AGAP3: variants seen among roughly 807,000 people sequenced by gnomAD.
The protein encoded by AGAP3 is ArfGAP with GTPase domain, ankyrin repeat and PH domain 3, also known as arf-GAP with GTPase, ANK repeat and PH domain-containing protein 3.
AGAP3 carries 24 observed loss-of-function variants against 96.9 expected under a neutral mutation model. The ratio of observed to expected loss-of-function variants is 0.25; its 90% confidence interval spans 0.18 to 0.35. The LOEUF (loss-of-function observed/expected upper bound fraction) is 0.35, where lower values mean the gene tolerates loss of function less well. Among genes scored for constraint, AGAP3 ranks in the 10% least tolerant of loss-of-function variants. The pLI is 1.00. For synonymous variants in AGAP3, 563 were observed against 536.1 expected, an observed-to-expected ratio of 1.05 and a Z score of -0.69; for missense variants, 876 against 1,254.2, an observed-to-expected ratio of 0.70 and a Z score of 4.55.
intron 1 of AGAP3, among the ~76,000 whole-genome samples, chr7:151,111,275 G>C (rs1799272101): frequency 6.6e-6 from 1 of 152,196 alleles, no homozygotes; most frequent in South Asian, 2.1e-4. Flanking sequence ...GGAGGGCCAC[G>C]GTGGTTCTGG....
At chr7:151,125,706 G>A (rs1264713019) in intron 9 of AGAP3, among the ~76,000 whole-genome samples, 1 of 152,202 alleles carries the variant, frequency 6.6e-6, no homozygotes, top group African/African-American at 2.4e-5. Context: ...TCCTTGCTCC[G>A]CCCTCCTGTC....
At chr7:151,087,414 G>T (rs1384962506) in intron 1 of AGAP3, among the ~76,000 whole-genome samples, 2 of 152,186 alleles carry the variant, frequency 1.3e-5, no homozygotes, top group Non-Finnish European at 1.5e-5. Flanking sequence ...CGTGACCGGG[G>T]AGGCTTCTTA....
Position 151,120,012 on chromosome 7 carries a change from T to A in AGAP3, c.995T>A (p.Phe332Tyr). 6.2e-7 allele frequency: 1 copy of A among 1,613,750 alleles called. No homozygotes were observed. Among genetic ancestry groups the A allele is most frequent in the South Asian group, 1.1e-5 (1 of 91,086 alleles). The change falls in exon 8 of 18, where the codon TTC becomes TAC. Residue 332 changes from phenylalanine (F) to tyrosine (Y), a missense_variant. Transcript: ENST00000397238. Reference sequence around the variant, plus strand: ...GCCACGAATGGCGGCGGCAGCGCCTTCAGCGACTACTCGTCCTCAGTCCCC... The same window carrying A: ...GCCACGAATGGCGGCGGCAGCGCCTACAGCGACTACTCGTCCTCAGTCCCC... ...NQATNGGGSA[F>Y]SDYSSSVPST...
intron 9 of AGAP3, among the ~76,000 whole-genome samples, chr7:151,126,053 G>T (rs927702118): frequency 8.9e-6 from 1 of 112,320 alleles, no homozygotes; most frequent in Non-Finnish European, 1.8e-5. Context: ...GGAGCGGGCG[G>T]GTGGGTGGGG....
In AGAP3 at chr7:151,120,067, G is replaced by T. The variant is rs777495200; in HGVS notation, c.1050G>T (p.Leu350=). ...CCCCCAGCATCAGCCAGCGGGAGCT[G>T]CGCATCGAGACCATCGCTGCCTCCT... ...PSTPSISQRE[L]RIETIAASST... is the part of the protein sequence containing the mutation. The change falls in exon 8 of 18, where the codon CTG becomes CTT. Residue 350 remains leucine (L), a synonymous_variant. Coordinates refer to ENST00000397238, the MANE Select transcript of AGAP3 (RefSeq NM_031946.7). 1 of 1,613,846 alleles carries T rather than the reference G, an allele frequency of 6.2e-7. No homozygotes were observed. The highest frequency in any genetic ancestry group is 8.5e-7 in the Non-Finnish European group (1 of 1,179,862).
intron 10 of AGAP3, among the ~76,000 whole-genome samples, chr7:151,129,641 G>A (rs909383477): frequency 2.6e-5 from 4 of 152,162 alleles, no homozygotes; most frequent in African/African-American, 4.8e-5. Flanking sequence ...TGGGAGACTG[G>A]AGGAGGGAGC....
intron 11 of AGAP3, among the ~76,000 whole-genome samples, chr7:151,136,904 G>A (rs901545628): frequency 6.6e-6 from 1 of 152,232 alleles, no homozygotes; most frequent in African/African-American, 2.4e-5. Flanking sequence ...GACGGGAGGT[G>A]GGTGGGATTC....
Position 151,118,329 on chromosome 7 carries a change from C to A in AGAP3, c.826C>A (p.Arg276Ser). The change falls in exon 6 of 18, where the codon CGT becomes AGT. Residue 276 changes from arginine (R) to serine (S), a missense_variant. This residue lies in a region of AGAP3 where 131 missense variants were observed against 304.5 expected (regional missense o/e 0.43). Coordinates refer to ENST00000397238, the MANE Select transcript of AGAP3 (RefSeq NM_031946.7). This position sits in a 1 kb window ranked among gnomAD's most constrained non-coding sequence, Gnocchi z 6.1. Reference protein sequence around the residue: ...TCATYGLNVERVFQDVAQKVV... With the variant: ...TCATYGLNVESVFQDVAQKVV... ...CGCGACCTACGGGCTCAATGTGGAGCGTGTCTTCCAGGACGGTAACTCGGG... is the reference window on the plus strand; with the variant it reads ...CGCGACCTACGGGCTCAATGTGGAGAGTGTCTTCCAGGACGGTAACTCGGG... 1 of 1,611,770 alleles carries A rather than the reference C, an allele frequency of 6.2e-7. No homozygotes were observed. The highest frequency in any genetic ancestry group is 1.1e-5 in the South Asian group (1 of 90,992).
chr7:151,117,856 G>A lies in AGAP3; in HGVS notation c.706+79G>A, dbSNP rs1354287911. ...TGCATGGGGGCAGGGGTGGGCAGGT[G>A]TGAGAAAGCCCCCAAGCCCCTACTC... On this transcript the variant is annotated intron_variant, in intron 5 of 17. Coordinates refer to ENST00000397238, the MANE Select transcript of AGAP3 (RefSeq NM_031946.7). 4.0e-6 allele frequency: 6 copies of A among 1,499,082 alleles called. No homozygotes were observed. In the Admixed American group the frequency reaches 9.0e-5, roughly 23 times the overall value. 92.9% of individuals were successfully genotyped at this position (1,499,082 alleles called of 1,614,324 possible).
Position 151,118,828 on chromosome 7 carries a change from C to T in AGAP3, c.969+196C>T, listed in dbSNP as rs1056479281. Among the ~76,000 whole-genome samples the T allele has an allele frequency of 5.9e-5, 9 of 152,192 alleles. No individual in the cohort carries two copies. Among genetic ancestry groups the T allele is most frequent in the Non-Finnish European group, 1.2e-4 (8 of 68,044 alleles). ...TAGCCTTGGCCTCATCCCTGCCCCACGGTGCCTGCCCCTTCCCGCTGCAAT... is the reference window on the plus strand; with the variant it reads ...TAGCCTTGGCCTCATCCCTGCCCCATGGTGCCTGCCCCTTCCCGCTGCAAT... On this transcript the variant is annotated intron_variant, in intron 7 of 17. Transcript: ENST00000397238. The surrounding 1 kb of genome is among the most constrained non-coding windows in gnomAD (Gnocchi z 6.1).
rs1798166622 is a variant in AGAP3 at position 151,086,793 on chromosome 7, G to A, written c.52G>A (p.Ala18Thr). 3 of 912,816 alleles carry A rather than the reference G, an allele frequency of 3.3e-6. No individual in the cohort carries two copies. In the South Asian group the frequency reaches 1.5e-4, roughly 45 times the overall value. 56.5% of individuals were successfully genotyped at this position (912,816 alleles called of 1,614,324 possible). ...GAGCCCGCAGCAGCAGCAGAGCCTG[G>A]CGGCTCCGGGGGGCGGCGGCGCTGC... ...GQSPQQQQSLAAPGGGGAAAQ... is the reference protein window; with the variant it reads ...GQSPQQQQSLTAPGGGGAAAQ... Residue 18 changes from alanine (A) to threonine (T), a missense_variant, in exon 1 of 18, where the codon GCG (alanine) becomes ACG (threonine). By Grantham distance (58) the Ala-to-Thr change is moderately conservative. This residue lies in a region of AGAP3 where 62 missense variants were observed against 82.8 expected (regional missense o/e 0.75). Transcript: ENST00000397238.
chr7:151,142,232 TG>T lies in AGAP3; in HGVS notation c.2030del (p.Cys677LeufsTer14). ...AVRTVRGNSF[C>X]IDCDAPNPDW... ...CCGCACCGTCCGCGGCAACAGCTTTTGTATCGACTGCGATGCACCCAGTGAG... is the reference window on the plus strand; with the variant it reads ...CCGCACCGTCCGCGGCAACAGCTTTTTATCGACTGCGATGCACCCAGTGAG... On this transcript the variant is annotated frameshift_variant, in exon 15 of 18. Transcript: ENST00000397238. LOFTEE classifies it high-confidence loss of function. The surrounding 1 kb of genome is among the most constrained non-coding windows in gnomAD (Gnocchi z 7.5). 6.2e-7 allele frequency: 1 copy of T among 1,613,398 alleles called. No individual in the cohort carries two copies.
At position 151,118,439 on chromosome 7, in the gene AGAP3, G is replaced by A. The variant is rs1799702850; in HGVS notation, c.842-66G>A. The A allele has an allele frequency of 6.2e-6, 10 of 1,601,090 alleles. No individual in the cohort carries two copies. The highest frequency in any genetic ancestry group is 8.5e-6 in the Non-Finnish European group (10 of 1,169,738). The stretch of plus-strand genomic sequence containing the variant: ...TGAGAGCAAGGCTGTGTGTCTGGGG[G>A]GAGGTGCTAAGCCAGGCTTTTCCCT... On this transcript the variant is annotated intron_variant, in intron 6 of 17. Coordinates refer to ENST00000397238, the MANE Select transcript of AGAP3 (RefSeq NM_031946.7). The surrounding 1 kb of genome is among the most constrained non-coding windows in gnomAD (Gnocchi z 6.1).
rs774891179 is a variant in AGAP3 at position 151,142,823 on chromosome 7, G to A, written c.2273+189G>A. ...TGTCACTCAGGCGCCTCACAACAACGGGCCCTTTCTGAGCGTTATCAGCAG... is the reference window on the plus strand; with the variant it reads ...TGTCACTCAGGCGCCTCACAACAACAGGCCCTTTCTGAGCGTTATCAGCAG... On this transcript the variant is annotated intron_variant, in intron 16 of 17. Coordinates refer to ENST00000397238, the MANE Select transcript of AGAP3 (RefSeq NM_031946.7). This position sits in a 1 kb window ranked among gnomAD's most constrained non-coding sequence, Gnocchi z 7.5. 3.9e-5 allele frequency among the ~76,000 whole-genome samples: 6 copies of A among 152,218 alleles called. No individual in the cohort carries two copies. The highest frequency in any genetic ancestry group is 3.3e-4 in the Admixed American group (5 of 15,288).
At chr7:151,102,058 C>T (rs1172354141) in intron 1 of AGAP3, among the ~76,000 whole-genome samples, 2 of 152,122 alleles carry the variant, frequency 1.3e-5, no homozygotes, top group African/African-American at 4.8e-5. Context: ...GGGAGTGGGG[C>T]GTGTGGGTGT....
intron 1 of AGAP3, among the ~76,000 whole-genome samples, chr7:151,107,824 G>T (rs1799120018): frequency 6.6e-6 from 1 of 152,164 alleles, no homozygotes; most frequent in Non-Finnish European, 1.5e-5. Flanking sequence ...AAGTGTAGGC[G>T]ATGGGTCAGT....
At chr7:151,101,777 CA>C (rs1798843104) in intron 1 of AGAP3, among the ~76,000 whole-genome samples, 1 of 152,148 alleles carries the variant, frequency 6.6e-6, no homozygotes, top group African/African-American at 2.4e-5. Context: ...TTCAACGGGG[CA>C]GGAAGCCAGG....
Position 151,118,069 on chromosome 7 carries a change from C to T in AGAP3, c.707-141C>T. 1.7e-6 allele frequency: 2 copies of T among 1,186,906 alleles called. No homozygotes were observed. The highest frequency in any genetic ancestry group is 1.2e-6 in the Non-Finnish European group (1 of 853,298). The allele number at this position is 1,186,906 out of a possible 1,614,324, so 73.5% of individuals were successfully genotyped here. On this transcript the variant is annotated intron_variant, in intron 5 of 17. Transcript: ENST00000397238. The surrounding 1 kb of genome is among the most constrained non-coding windows in gnomAD (Gnocchi z 6.1). The stretch of plus-strand genomic sequence containing the variant: ...AGGCCATGGAAGGGTTGAAATGAGA[C>T]CCAGGCACCCGCGTTCTTGGTGCTC...
At chr7:151,134,765 C>T (rs774052917) in intron 11 of AGAP3, among the ~76,000 whole-genome samples, 197 bp downstream of exon 11, 1 of 152,224 alleles carries the variant, frequency 6.6e-6, no homozygotes, top group Non-Finnish European at 1.5e-5. Flanking sequence ...AATGCCTAGA[C>T]GAGCAGTTGA....
Sources: gnomAD v4.1 joint callset for allele counts (sites outside exome capture counted in the v4.1 genomes callset) on GRCh38, gnomAD v4.1.1 for gene constraint, gnomAD v4.1.1 regional missense constraint, Gnocchi (gnomAD v3.1) non-coding constraint, MANE v1.5 for transcripts, NCBI Gene and HGNC (gene_info 2026-07-23, HGNC 2026-07-21) for gene names.